TPO: variants seen among roughly 807,000 people sequenced by gnomAD.
The protein encoded by TPO is thyroid peroxidase, also known as thyroid microsomal antigen.
Under a neutral mutation model 96.9 loss-of-function variants are expected in TPO, and 78 were observed. The ratio of observed to expected loss-of-function variants is 0.81; its 90% CI spans 0.67 to 0.97. The LOEUF is 0.97. TPO is among the 50% of genes least tolerant of loss of function. TPO has a pLI of 0.00. For synonymous variants in TPO, 547 were observed against 538.0 expected, an observed-to-expected ratio of 1.02 and a Z score of -0.23; for missense variants, 1,252 against 1,274.8, an observed-to-expected ratio of 0.98 and a Z score of 0.27.
At position 1,496,665 on chromosome 2, in the gene TPO, C is replaced by T. The variant is rs13429240; in HGVS notation, c.2286C>T (p.Arg762=). The change falls in exon 13 of 17, where the codon CGC becomes CGT. Residue 762 remains arginine, a synonymous_variant. Coordinates refer to ENST00000329066, the MANE Select transcript of TPO (RefSeq NM_001206744.2). ...TGCACTGTGAGGAGTCTGGGAGGCG[C>T]GTGCTGGTGTATTCCTGCCGGCACG... ...DFVHCEESGR[R]VLVYSCRHGY... is the part of the protein sequence containing the mutation. The T allele has an allele frequency of 8.9e-3, 14,379 of 1,613,924 alleles. 1,090 individuals carry two copies. The African/African-American group carries it at 0.17, about 19-fold the overall frequency.
intron 14 of TPO, among the ~76,000 whole-genome samples, chr2:1,515,408 C>T (rs1288284917): frequency 6.6e-6 from 1 of 152,164 alleles, no homozygotes; most frequent in Admixed American, 6.5e-5. Context: ...GGAAGGAGAT[C>T]CTGGAGGCGG....
intron 7 of TPO, among the ~76,000 whole-genome samples, chr2:1,472,908 T>C (rs905628204): frequency 2.6e-5 from 4 of 151,312 alleles, no homozygotes; most frequent in Non-Finnish European, 5.9e-5. Context: ...TATTAGTGAA[T>C]TTTAAAGTTG....
At chr2:1,434,404 T>C (rs1027640900) in intron 4 of TPO, among the ~76,000 whole-genome samples, 1 of 152,246 alleles carries the variant, frequency 6.6e-6, no homozygotes, top group Non-Finnish European at 1.5e-5. Context: ...AAATCAGTAT[T>C]GACCAGAATT....
At chr2:1,477,630 TGG>T in intron 8 of TPO, 26 bp downstream of exon 8, 1 of 1,468,698 alleles carries the variant, frequency 6.8e-7, no homozygotes, top group Non-Finnish European at 8.9e-7. Flanking sequence ...CTGGGCGCCC[TGG>T]GTGGCTGCGG....
At position 1,488,001 on chromosome 2, in the gene TPO, T is replaced by G. The variant is rs1671339501; in HGVS notation, c.1768+10T>G. ...GACCACGGGCTGCCAGGTCTGCCAG[T>G]TCCTTCCCTTGCACACCTCATGCAG... On this transcript the variant is annotated intron_variant, in intron 10 of 16. Coordinates refer to ENST00000329066, the MANE Select transcript of TPO (RefSeq NM_001206744.2). The G allele has an allele frequency of 3.1e-6, 5 of 1,612,322 alleles. No homozygotes were observed. The Admixed American group carries it at 5.0e-5, about 16-fold the overall frequency.
At chr2:1,447,708 T>C (rs1031409533) in intron 5 of TPO, among the ~76,000 whole-genome samples, 2 of 152,106 alleles carry the variant, frequency 1.3e-5, no homozygotes, top group African/African-American at 2.4e-5. Context: ...CAGGTCTATA[T>C]AGAGGGGTGT....
intron 11 of TPO, 31 bp downstream of exon 11, chr2:1,494,070 C>G: frequency 6.2e-7 from 1 of 1,605,316 alleles, no homozygotes; most frequent in Non-Finnish European, 8.5e-7. Flanking sequence ...TCTTCCTTCA[C>G]GTTCTGCACA....
At chr2:1,414,211 G>A (rs9326167) in intron 1 of TPO, among the ~76,000 whole-genome samples, 197 bp from the exon 2 acceptor site, 52,207 of 151,744 alleles carry the variant, frequency 0.34, 9,914 homozygotes, top group East Asian at 0.52. Flanking sequence ...CCTGCTCAGC[G>A]CTGCAGTTTC....
chr2:1,517,005 G>T (rs1406373199), intron 15 of TPO, 23 bp downstream of exon 15: 1 of 1,610,094 alleles, frequency 6.2e-7, no homozygotes, highest in Non-Finnish European at 8.5e-7. Flanking sequence ...CTTTTTGACT[G>T]TTACTTAGAC....
chr2:1,525,483 A>G (rs1573550831), intron 15 of TPO, among the ~76,000 whole-genome samples: 1 of 65,976 alleles, frequency 1.5e-5, no homozygotes, highest in Non-Finnish European at 2.7e-5. Flanking sequence ...CCCCACTGTG[A>G]GCAAACCCCC....
chr2:1,455,528 G>A (rs1667710099), intron 6 of TPO, among the ~76,000 whole-genome samples: 1 of 152,208 alleles, frequency 6.6e-6, no homozygotes, highest in Admixed American at 6.5e-5. Flanking sequence ...GTGAGACAGG[G>A]AAGCTTGTCG....
intron 2 of TPO, among the ~76,000 whole-genome samples, chr2:1,416,474 A>G (rs1336000186): frequency 1.3e-5 from 2 of 152,260 alleles, no homozygotes. Context: ...TCACATTTAA[A>G]AAGCCATCAG....
In TPO at chr2:1,479,763, C is replaced by G. The variant is rs1434218892; in HGVS notation, c.1338+2159C>G. On this transcript the variant is annotated intron_variant, in intron 8 of 16. Transcript: ENST00000329066. ...CCTCCTTGTCCTCCTCCTCGTCCTC[C>G]TCCTCCTCTTCTTCTTCTCCTTCTT... Among the ~76,000 whole-genome samples, 6 of 149,324 alleles carry G rather than the reference C, an allele frequency of 4.0e-5. No individual in the cohort carries two copies. The East Asian group carries it at 7.9e-4, about 20-fold the overall frequency.
intron 10 of TPO, among the ~76,000 whole-genome samples, chr2:1,492,223 C>T (rs760779338): frequency 2.0e-5 from 3 of 152,130 alleles, no homozygotes; most frequent in Non-Finnish European, 2.9e-5. Flanking sequence ...GGGGTGATCT[C>T]GGCTCACGGC....
chr2:1,512,898 C>G (rs1169860823), intron 14 of TPO, among the ~76,000 whole-genome samples: 1 of 152,194 alleles, frequency 6.6e-6, no homozygotes, highest in Admixed American at 6.5e-5. Context: ...TACTGCTGCC[C>G]CTGCAAAAAT....
chr2:1,475,035 T>C (rs1012722944), intron 7 of TPO, among the ~76,000 whole-genome samples: 4 of 152,258 alleles, frequency 2.6e-5, no homozygotes, highest in Non-Finnish European at 5.9e-5. Context: ...GATTTTCTTC[T>C]GAGGAAGGCT....
intron 9 of TPO, 98 bp downstream of exon 9, chr2:1,484,952 A>G: frequency 1.9e-6 from 3 of 1,546,140 alleles, no homozygotes; most frequent in Non-Finnish European, 2.6e-6. Context: ...ACATGTGCAC[A>G]ACGTGCAGGT....
At chr2:1,479,453 G>A (rs1308178876) in intron 8 of TPO, among the ~76,000 whole-genome samples, 1 of 152,192 alleles carries the variant, frequency 6.6e-6, no homozygotes. Context: ...TCAGGAGCAG[G>A]ATTTGGTTTG....
intron 15 of TPO, among the ~76,000 whole-genome samples, chr2:1,533,190 GTGC>G (rs1678742046): frequency 2.9e-5 from 1 of 34,510 alleles, no homozygotes; most frequent in African/African-American, 2.2e-4. Context: ...CCCCCACTGT[GTGC>G]AATCTCCCCA....
Sources: gnomAD v4.1 joint callset for allele counts (sites outside exome capture counted in the v4.1 genomes callset) on GRCh38, gnomAD v4.1.1 for gene constraint, MANE v1.5 for transcripts, NCBI Gene and HGNC (gene_info 2026-07-23, HGNC 2026-07-21) for gene names.